The following NRG3 variants were observed in gnomAD, a reference collection of about 807,000 sequenced individuals.
NRG3 encodes the protein pro-neuregulin-3, membrane-bound isoform.
A neutral mutation model predicts 66.9 loss-of-function variants in NRG3; 31 were observed. The ratio of observed to expected loss-of-function variants is 0.46; its 90% CI spans 0.35 to 0.63. NRG3 has a LOEUF of 0.63. Among genes scored for constraint, NRG3 ranks in the 20% least tolerant of loss-of-function variants. The probability of loss-of-function intolerance (pLI) is 0.00; values close to 1 mark genes in which losing one functional copy is unlikely to be tolerated. For synonymous variants in NRG3, 393 were observed against 359.4 expected (o/e 1.09, Z -1.06); for missense variants, 910 against 878.9 (o/e 1.04, Z -0.45).
chr10:82,696,842 A>G (rs370280898), intron 2 of NRG3, among the ~76,000 whole-genome samples: 2 of 152,368 alleles, frequency 1.3e-5, no homozygotes, highest in African/African-American at 4.8e-5. Context: ...AGTAAAATGT[A>G]TAGCACATAC....
At chr10:82,281,448 G>A (rs547505521) in intron 1 of NRG3, among the ~76,000 whole-genome samples, 9 of 152,208 alleles carry the variant, frequency 5.9e-5, no homozygotes, top group African/African-American at 1.2e-4. Context: ...GTATTGGCCC[G>A]GAGGAAACAA....
At chr10:82,714,519 A>T (rs1462913499) in intron 2 of NRG3, among the ~76,000 whole-genome samples, 1 of 152,218 alleles carries the variant, frequency 6.6e-6, no homozygotes, top group Non-Finnish European at 1.5e-5. Flanking sequence ...GCTTCTGATG[A>T]TCAAATATTT....
At chr10:82,184,300 G>T (rs568081877) in intron 1 of NRG3, among the ~76,000 whole-genome samples, 9 of 152,118 alleles carry the variant, frequency 5.9e-5, no homozygotes, top group Non-Finnish European at 1.3e-4. Context: ...ATGGACTCAA[G>T]AAAATAACGT....
intron 2 of NRG3, among the ~76,000 whole-genome samples, chr10:82,549,756 C>T (rs556807576): frequency 5.9e-4 from 90 of 152,230 alleles, no homozygotes; most frequent in African/African-American, 2.0e-3. Context: ...AGTTTTCTGT[C>T]TGAGGCATAT....
chr10:82,471,347 G>A (rs939547190), intron 2 of NRG3, among the ~76,000 whole-genome samples: 4 of 151,982 alleles, frequency 2.6e-5, no homozygotes, highest in African/African-American at 9.7e-5. Context: ...GCCTGTTGGA[G>A]GCTCTCTGGG....
intron 1 of NRG3, among the ~76,000 whole-genome samples, chr10:81,951,040 T>C (rs564061049): frequency 1.3e-5 from 2 of 152,284 alleles, no homozygotes; most frequent in African/African-American, 2.4e-5. Flanking sequence ...GATTTGACCA[T>C]TGGAGGGTTA....
intron 1 of NRG3, among the ~76,000 whole-genome samples, chr10:82,219,351 C>T (rs982242547): frequency 6.2e-5 from 9 of 144,470 alleles, no homozygotes; most frequent in Non-Finnish European, 1.4e-4. Context: ...CAGATGTCTT[C>T]TGGGGGGCGT....
chr10:81,950,989 T>A, intron 1 of NRG3, among the ~76,000 whole-genome samples: 1 of 152,166 alleles, frequency 6.6e-6, no homozygotes. Context: ...TTTATGCTTG[T>A]TACTACTAAT....
At chr10:82,928,779 G>A (rs1847268032) in intron 4 of NRG3, among the ~76,000 whole-genome samples, 1 of 152,156 alleles carries the variant, frequency 6.6e-6, no homozygotes, top group Non-Finnish European at 1.5e-5. Context: ...AAGCAGCTGT[G>A]TTTGGCCCCT....
chr10:81,951,915 A>G (rs1849391975), intron 1 of NRG3, among the ~76,000 whole-genome samples: 2 of 152,220 alleles, frequency 1.3e-5, no homozygotes, highest in South Asian at 4.1e-4. Context: ...AATGTGGCAC[A>G]TATACACCAT....
intron 2 of NRG3, among the ~76,000 whole-genome samples, chr10:82,433,256 A>G (rs1344344224): frequency 6.6e-6 from 1 of 152,092 alleles, no homozygotes; most frequent in Non-Finnish European, 1.5e-5. Flanking sequence ...GGCCACGTAG[A>G]TGTCTTCTTT....
intron 1 of NRG3, among the ~76,000 whole-genome samples, chr10:82,338,733 C>T (rs1259457302): frequency 6.6e-6 from 1 of 152,176 alleles, no homozygotes; most frequent in Non-Finnish European, 1.5e-5. Flanking sequence ...CCCACTACCA[C>T]ACATTGTCTT....
At chr10:82,337,405 C>T (rs2082445052) in intron 1 of NRG3, among the ~76,000 whole-genome samples, 2 of 152,198 alleles carry the variant, frequency 1.3e-5, no homozygotes, top group Admixed American at 6.5e-5. Flanking sequence ...TTATTCATCA[C>T]TTGGTGGACA....
intron 2 of NRG3, among the ~76,000 whole-genome samples, chr10:82,563,058 A>AC (rs2045157026): frequency 6.6e-6 from 1 of 152,132 alleles, no homozygotes; most frequent in African/African-American, 2.4e-5. Flanking sequence ...GTGAGTGTAT[A>AC]CCCACGTATA....
chr10:82,876,237 G>T (rs1841808330), intron 4 of NRG3, among the ~76,000 whole-genome samples: 1 of 151,798 alleles, frequency 6.6e-6, no homozygotes, highest in Admixed American at 6.6e-5. Flanking sequence ...TAAATAACTA[G>T]ATTGGAAGTT....
At chr10:82,180,384 G>C (rs2073332783) in intron 1 of NRG3, among the ~76,000 whole-genome samples, 1 of 151,774 alleles carries the variant, frequency 6.6e-6, no homozygotes, top group Non-Finnish European at 1.5e-5. Flanking sequence ...GAGCTTATTG[G>C]ATATGGCCTT....
chr10:82,560,970 T>C (rs774629116), intron 2 of NRG3, among the ~76,000 whole-genome samples: 2 of 152,148 alleles, frequency 1.3e-5, no homozygotes, highest in Non-Finnish European at 2.9e-5. Context: ...AAGATTACTG[T>C]ATCTTTGCAG....
At chr10:82,371,699 A>G (rs1174157452) in intron 2 of NRG3, among the ~76,000 whole-genome samples, 1 of 152,114 alleles carries the variant, frequency 6.6e-6, no homozygotes, top group Admixed American at 6.5e-5. Context: ...GATAGTTGGG[A>G]GGTTCATGAT....
chr10:82,962,130 A>G (rs964670247), intron 6 of NRG3, among the ~76,000 whole-genome samples: 1 of 152,200 alleles, frequency 6.6e-6, no homozygotes, highest in Admixed American at 6.5e-5. Context: ...ACTTGACTCC[A>G]AGGCTGCAGA....
Sources: allele counts gnomAD v4.1 joint callset (sites outside exome capture counted in the v4.1 genomes callset), GRCh38; gene constraint gnomAD v4.1.1; transcripts MANE v1.5; gene names NCBI Gene and HGNC (gene_info 2026-07-23, HGNC 2026-07-21).